Variants in CALB1 observed in about 807,000 individuals in gnomAD.
CALB1 encodes calbindin 1.
Under a neutral mutation model 46.7 loss-of-function variants are expected in CALB1, and 16 were observed. That is an observed-to-expected ratio of 0.34 (90% CI 0.23 to 0.52). The LOEUF (loss-of-function observed/expected upper bound fraction) is 0.52. Ranked by LOEUF, CALB1 falls within the 20% of genes least tolerant of loss-of-function variation. The pLI, the probability that CALB1 is intolerant of heterozygous loss-of-function variation, is 0.95. For synonymous variants in CALB1, 90 were observed against 112.8 expected, an observed-to-expected ratio of 0.80 and a Z score of 1.28; for missense variants, 224 against 300.3, an observed-to-expected ratio of 0.75 and a Z score of 1.88.
chr8:90,063,079 G>A (rs772427529), intron 9 of CALB1, 21 bp downstream of exon 9: 14 of 1,576,432 alleles, frequency 8.9e-6, no homozygotes, highest in Non-Finnish European at 1.2e-5. Context: ...AAAAAGAAAG[G>A]AAAAAGTAAC....
intron 7 of CALB1, 38 bp downstream of exon 7, chr8:90,063,368 G>T: frequency 1.3e-6 from 2 of 1,584,678 alleles, no homozygotes; most frequent in Non-Finnish European, 1.7e-6. Context: ...TTTTGAAAAG[G>T]ATCCACTTAC....
intron 3 of CALB1, among the ~76,000 whole-genome samples, chr8:90,072,181 AAAAC>A (rs199905334): frequency 6.6e-6 from 1 of 151,714 alleles, no homozygotes; most frequent in Admixed American, 6.6e-5. Flanking sequence ...AAAACAGAAA[AAAAC>A]AAATGAATGA....
chr8:90,081,995 C>CTT, intron 2 of CALB1, 31 bp downstream of exon 2: 1 of 1,582,910 alleles, frequency 6.3e-7, no homozygotes, highest in Non-Finnish European at 8.6e-7. Flanking sequence ...GGTTAAAAGT[C>CTT]TTTTTTTCTT....
intron 3 of CALB1, among the ~76,000 whole-genome samples, chr8:90,070,218 C>T (rs1048501072): frequency 1.6e-4 from 24 of 152,090 alleles, no homozygotes; most frequent in African/African-American, 5.3e-4. Flanking sequence ...GGGTTCAAAA[C>T]GCCTTCTGTT....
intron 3 of CALB1, 59 bp from the exon 4 acceptor site, chr8:90,069,296 C>A: frequency 7.9e-7 from 1 of 1,260,232 alleles, no homozygotes; most frequent in Non-Finnish European, 1.2e-6. Flanking sequence ...CAAGTCTCTG[C>A]CATTACCTGC....
intron 3 of CALB1, among the ~76,000 whole-genome samples, chr8:90,072,009 T>G (rs558613678): frequency 2.1e-3 from 315 of 152,338 alleles, no homozygotes; most frequent in Non-Finnish European, 3.8e-3. Flanking sequence ...GTAATTTTAC[T>G]TTATTAAAAA....
chr8:90,082,620 G>A lies in CALB1; in HGVS notation c.78C>T (p.Asp26=), dbSNP rs1366832647. Residue 26 remains aspartate, a splice_region_variant and synonymous_variant, in exon 1 of 11, where the codon GAC becomes GAT. Transcript: ENST00000265431. ...CAGTTAAAAAGAGAAGATAATCACC[G>A]TCAGCGTCGAAATGGAGCCAGATCT... is the stretch of plus-strand genomic sequence containing the variant. ...FFEIWLHFDA[D]GSGYLEGKEL... is the part of the protein sequence containing the mutation. 1 of 1,612,684 alleles carries A rather than the reference G, an allele frequency of 6.2e-7. No homozygotes were observed. Among genetic ancestry groups the A allele is most frequent in the South Asian group, 1.1e-5 (1 of 91,060 alleles).
At position 90,082,837 on chromosome 8, in the gene CALB1, C is replaced by T; in HGVS notation, c.-140G>A. On this transcript the variant is annotated 5_prime_UTR_variant, in exon 1 of 11. Coordinates refer to ENST00000265431, the MANE Select transcript of CALB1 (RefSeq NM_004929.4). ...GGCGCGGGCGCTGCCGGGCGCTGTC[C>T]TCGGTGCTGCTCAGCTCAGCGTTCC... 1.4e-6 allele frequency: 1 copy of T among 733,196 alleles called. No individual in the cohort carries two copies. Among genetic ancestry groups the T allele is most frequent in the Non-Finnish European group, 2.5e-6 (1 of 404,976 alleles). 45.4% of individuals were successfully genotyped at this position (733,196 alleles called of 1,614,324 possible).
rs556898463 is a variant in CALB1 at position 90,074,519 on chromosome 8, AAATCACTTAGAAAGATCTATGCAG to A, written c.231+3830_231+3853del. ...CCTCAATCAAAAAAGTATCCCTAAT[AAATCACTTAGAAAGATCTATGCAG>A]AGGGAATTTTAAAATCAGATTTCAT... On this transcript the variant is annotated intron_variant, in intron 3 of 10. Transcript: ENST00000265431. Among the ~76,000 whole-genome samples the A allele has an allele frequency of 3.0e-3, 463 of 152,326 alleles. 1 individual carries two copies. The highest frequency in any genetic ancestry group is 5.1e-3 in the Non-Finnish European group (349 of 68,026).
rs112188936 is a variant in CALB1, at chr8:90,070,861, T to A, written c.232-1624A>T. Among the ~76,000 whole-genome samples, 1,451 of 149,910 alleles carry A rather than the reference T, an allele frequency of 9.7e-3. 5 individuals are homozygous for A. Among genetic ancestry groups the A allele is most frequent in the Middle Eastern group, 0.014 (4 of 288 alleles). ...CAGTGTGTGTGTGTGTGTGTGTGTG[T>A]GTGTGTGTGTGTGTGTGTGTGTTAT... On this transcript the variant is annotated intron_variant, in intron 3 of 10. Transcript: ENST00000265431.
At chr8:90,078,522 A>C in intron 2 of CALB1, 75 bp from the exon 3 acceptor site, 4 of 867,144 alleles carry the variant, frequency 4.6e-6, no homozygotes, top group Non-Finnish European at 7.3e-6. Context: ...TTAATAACTT[A>C]CTGCAAAGAA....
At chr8:90,081,484 A>G (rs954438561) in intron 2 of CALB1, 1 of 983,666 alleles carries the variant, frequency 1.0e-6, no homozygotes, top group African/African-American at 1.7e-5. Context: ...ATAATTGGTG[A>G]TAGAGTAAGA....
chr8:90,072,540 G>A (rs1167761968), intron 3 of CALB1, among the ~76,000 whole-genome samples: 1 of 152,124 alleles, frequency 6.6e-6, no homozygotes, highest in Admixed American at 6.6e-5. Flanking sequence ...ATAGGATGTG[G>A]CTATAGTGAA....
intron 4 of CALB1, 49 bp downstream of exon 4, chr8:90,069,105 C>CA (rs757116549): frequency 6.2e-7 from 1 of 1,609,620 alleles, no homozygotes; most frequent in Non-Finnish European, 8.5e-7. Context: ...ATAAAAGGAA[C>CA]AATTTTCCTA....
At chr8:90,071,711 T>G (rs562883791) in intron 3 of CALB1, among the ~76,000 whole-genome samples, 1 of 152,212 alleles carries the variant, frequency 6.6e-6, no homozygotes, top group Non-Finnish European at 1.5e-5. Flanking sequence ...ATGGATGTTA[T>G]GTATACATTT....
At chr8:90,063,674 A>G in intron 6 of CALB1, 1 of 496,986 alleles carries the variant, frequency 2.0e-6, no homozygotes, top group Non-Finnish European at 3.6e-6. Context: ...GAATAGTCAA[A>G]CAGAGAAATA....
At chr8:90,074,457 G>T (rs1814586253) in intron 3 of CALB1, among the ~76,000 whole-genome samples, 2 of 152,142 alleles carry the variant, frequency 1.3e-5, no homozygotes, top group Non-Finnish European at 2.9e-5. Flanking sequence ...TTGGCTTAGA[G>T]ACTCTGTCCC....
intron 3 of CALB1, among the ~76,000 whole-genome samples, chr8:90,070,120 C>T (rs564644583): frequency 6.2e-4 from 94 of 152,162 alleles, no homozygotes; most frequent in African/African-American, 2.2e-3. Flanking sequence ...GCTGTGGTCC[C>T]CAGCAACCCC....
chr8:90,059,334 A>G lies in CALB1; in HGVS notation c.*839T>C, dbSNP rs1213951740. 6.5e-6 allele frequency: 1 copy of G among 152,748 alleles called. No homozygotes were observed. The highest frequency in any genetic ancestry group is 1.9e-4 in the East Asian group (1 of 5,192). 9.5% of individuals were successfully genotyped at this position (152,748 alleles called of 1,614,324 possible). On this transcript the variant is annotated 3_prime_UTR_variant, in exon 11 of 11. Transcript: ENST00000265431. ...CCTTGGTGGAAATGAACAGTTCTAC[A>G]TAGAAAGAAAATCCAGGAAGTATGC... is the stretch of plus-strand genomic sequence containing the variant.
Sources: allele counts gnomAD v4.1 joint callset (sites outside exome capture counted in the v4.1 genomes callset), GRCh38; gene constraint gnomAD v4.1.1; transcripts MANE v1.5; gene names NCBI Gene and HGNC (gene_info 2026-07-23, HGNC 2026-07-21).